RLF: variants seen among roughly 807,000 people sequenced by gnomAD.
RLF encodes the protein zinc finger protein Rlf.
A neutral mutation model predicts 162.9 loss-of-function variants in RLF; 7 were observed. The ratio of observed to expected loss-of-function variants is 0.04; its 90% CI spans 0.02 to 0.08. The LOEUF (loss-of-function observed/expected upper bound fraction) is 0.08. RLF is among the 10% of genes least tolerant of loss of function. The pLI, the probability that RLF is intolerant of heterozygous loss-of-function variation, is 1.00. For synonymous variants in RLF, 782 were observed against 791.5 expected (o/e 0.99, Z 0.20); for missense variants, 1,664 against 2,244.7 (o/e 0.74, Z 5.23).
At chr1:40,211,473 T>C (rs185866962) in intron 5 of RLF, among the ~76,000 whole-genome samples, 2 of 152,388 alleles carry the variant, frequency 1.3e-5, no homozygotes, top group Admixed American at 1.3e-4. Flanking sequence ...TTTATACATA[T>C]AGGTGTGATT....
rs1328429948 is a variant in RLF, at chr1:40,239,890, C to G, written c.5188C>G (p.Gln1730Glu). 1 of 1,613,596 alleles carries G rather than the reference C, an allele frequency of 6.2e-7. No homozygotes were observed. The highest frequency in any genetic ancestry group is 8.5e-7 in the Non-Finnish European group (1 of 1,180,036). ...LPRIKESETR[Q>E]HSSGQENTVK... ...AAGGATCAAAGAATCAGAAACTAGGCAGCATAGTTCAGGGCAAGAAAACAC... is the reference window on the plus strand; with the variant it reads ...AAGGATCAAAGAATCAGAAACTAGGGAGCATAGTTCAGGGCAAGAAAACAC... The change falls in exon 8 of 8, where the codon CAG becomes GAG. Residue 1730 changes from glutamine to glutamate, a missense_variant. By Grantham distance (29) the Gln-to-Glu change is conservative. Coordinates refer to ENST00000372771, the MANE Select transcript of RLF (RefSeq NM_012421.4).
At chr1:40,221,591 T>A (rs1642995172) in intron 5 of RLF, among the ~76,000 whole-genome samples, 1 of 151,010 alleles carries the variant, frequency 6.6e-6, no homozygotes, top group Non-Finnish European at 1.5e-5. Context: ...GCTGTTTACC[T>A]CATTTGCTCT....
At chr1:40,234,396 G>C (rs1436465514) in intron 7 of RLF, among the ~76,000 whole-genome samples, 1 of 152,178 alleles carries the variant, frequency 6.6e-6, no homozygotes, top group African/African-American at 2.4e-5. Context: ...GGCTGTAGTA[G>C]GGGTTCTGTA....
chr1:40,182,259 C>T (rs780118369), intron 1 of RLF, among the ~76,000 whole-genome samples: 1 of 151,990 alleles, frequency 6.6e-6, no homozygotes, highest in Non-Finnish European at 1.5e-5. Context: ...TGGTGAAACC[C>T]CCGTCTCTAC....
At chr1:40,166,466 T>G (rs1642166665) in intron 1 of RLF, among the ~76,000 whole-genome samples, 1 of 151,944 alleles carries the variant, frequency 6.6e-6, no homozygotes, top group Non-Finnish European at 1.5e-5. Context: ...GAACTAGAAA[T>G]ATAGAAATAC....
chr1:40,203,264 G>A (rs928434349), intron 5 of RLF, among the ~76,000 whole-genome samples: 9 of 151,740 alleles, frequency 5.9e-5, no homozygotes, highest in Admixed American at 4.6e-4. Flanking sequence ...AAAGGCATGC[G>A]CCACCATGCC....
In RLF at chr1:40,236,396, T is replaced by C; in HGVS notation, c.1694T>C (p.Ile565Thr). 6.2e-7 allele frequency: 1 copy of C among 1,614,082 alleles called. No homozygotes were observed. Among genetic ancestry groups the C allele is most frequent in the Non-Finnish European group, 8.5e-7 (1 of 1,179,996 alleles). ...FFCLLCKRECIEARILHHSKM... is the reference protein window; with the variant it reads ...FFCLLCKRECTEARILHHSKM... ...TGTTTGTTATGTAAGCGGGAATGTA[T>C]AGAGGCTAGAATTCTTCATCATTCT... The change falls in exon 8 of 8, where the codon ATA (isoleucine) becomes ACA (threonine). Residue 565 changes from isoleucine (I) to threonine (T), a missense_variant. Physicochemically the swap from Ile to Thr is moderately conservative, Grantham distance 89. Around this residue, in one of 15 missense-constraint regions of RLF, gnomAD observed 31 missense variants for 80.5 expected, o/e 0.39. Transcript: ENST00000372771. The surrounding 1 kb of genome is among the most constrained non-coding windows in gnomAD (Gnocchi z 7.7).
At chr1:40,213,825 A>G (rs61781774) in intron 5 of RLF, among the ~76,000 whole-genome samples, 7,930 of 152,320 alleles carry the variant, frequency 0.052, 603 homozygotes, top group African/African-American at 0.17. Flanking sequence ...TTCTAGAGAA[A>G]GGTAATGATA....
At chr1:40,229,448 C>CTTTTTTTTTTTTTTTTTTTTTTTTTTT (rs1005418216) in intron 6 of RLF, among the ~76,000 whole-genome samples, 2 of 90,980 alleles carry the variant, frequency 2.2e-5, no homozygotes, top group Non-Finnish European at 2.1e-5. Flanking sequence ...ATTCATTTAT[C>CTTTTTTTTTTTTTTTTTTTTTTTTTTT]TTTTTTTTTT....
chr1:40,161,897 T>TG lies in RLF; in HGVS notation c.237+262dup, dbSNP rs1642092242. Among the ~76,000 whole-genome samples, 1 of 152,198 alleles carries TG rather than the reference T, an allele frequency of 6.6e-6. No homozygotes were observed. ...CCCTGGCGGGTCCCTGGAAGGGCTG[T>TG]GCCCTGTCGCCGTTGCCTGTGTCCT... On this transcript the variant is annotated intron_variant, in intron 1 of 7. Transcript: ENST00000372771. This position sits in a 1 kb window ranked among gnomAD's most constrained non-coding sequence, Gnocchi z 4.4.
At chr1:40,216,209 C>T (rs552321843) in intron 5 of RLF, among the ~76,000 whole-genome samples, 81 of 152,230 alleles carry the variant, frequency 5.3e-4, no homozygotes, top group Non-Finnish European at 8.7e-4. Flanking sequence ...AGGCCAGGTG[C>T]GGAGGCTCAA....
At chr1:40,204,902 A>G (rs1339011213) in intron 5 of RLF, among the ~76,000 whole-genome samples, 1 of 152,200 alleles carries the variant, frequency 6.6e-6, no homozygotes, top group Non-Finnish European at 1.5e-5. Context: ...GAATTTTCAT[A>G]AGCTCTGTCT....
chr1:40,163,413 G>A (rs1642123284), intron 1 of RLF, among the ~76,000 whole-genome samples: 1 of 152,186 alleles, frequency 6.6e-6, no homozygotes, highest in African/African-American at 2.4e-5. Flanking sequence ...AAGAATGAAT[G>A]TAACCAGTCA....
At chr1:40,224,306 C>CT (rs869123049) in intron 6 of RLF, among the ~76,000 whole-genome samples, 4,387 of 127,886 alleles carry the variant, frequency 0.034, 147 homozygotes, top group African/African-American at 0.078. Context: ...GCAATTGCAT[C>CT]TTTTTTTTTT....
chr1:40,208,164 A>G (rs1642821024), intron 5 of RLF, among the ~76,000 whole-genome samples: 1 of 152,192 alleles, frequency 6.6e-6, no homozygotes, highest in Non-Finnish European at 1.5e-5. Flanking sequence ...TAGGCAGGGA[A>G]AGTATAGATA....
intron 1 of RLF, among the ~76,000 whole-genome samples, chr1:40,171,311 G>C (rs777517719): frequency 1.3e-5 from 2 of 152,142 alleles, no homozygotes; most frequent in Non-Finnish European, 2.9e-5. Context: ...TTAGAGGCGT[G>C]AGCCACCACT....
rs149177211 is a variant in RLF at position 40,200,175 on chromosome 1, A to G, written c.608-2237A>G. On this transcript the variant is annotated intron_variant, in intron 4 of 7. Transcript: ENST00000372771. ...CCCAAGGTCCAGACTCCACTTGCTA[A>G]ATCATAATCTCCAGAGTTGGAGCTC... Among the ~76,000 whole-genome samples, 509 of 152,350 alleles carry G rather than the reference A, an allele frequency of 3.3e-3. 2 individuals carry two copies. The highest frequency in any genetic ancestry group is 0.012 in the African/African-American group (487 of 41,584).
intron 7 of RLF, among the ~76,000 whole-genome samples, chr1:40,232,906 G>A (rs1643170924): frequency 6.6e-6 from 1 of 151,930 alleles, no homozygotes; most frequent in Non-Finnish European, 1.5e-5. Flanking sequence ...TAGATACAGG[G>A]TCTTGCTTTG....
intron 3 of RLF, among the ~76,000 whole-genome samples, chr1:40,191,094 A>G (rs567387533): frequency 1.3e-5 from 2 of 152,346 alleles, no homozygotes; most frequent in Admixed American, 1.3e-4. Flanking sequence ...ATTCAAACAT[A>G]AAGTTTAGAC....
Sources: allele counts gnomAD v4.1 joint callset (sites outside exome capture counted in the v4.1 genomes callset), GRCh38; gene constraint gnomAD v4.1.1; regional missense constraint gnomAD v4.1.1; non-coding constraint Gnocchi (gnomAD v3.1); transcripts MANE v1.5; gene names NCBI Gene and HGNC (gene_info 2026-07-23, HGNC 2026-07-21).